DST: variants seen among roughly 807,000 people sequenced by gnomAD.
The protein encoded by DST is dystonin, also known as bullous pemphigoid antigen.
Under a neutral mutation model 875.2 loss-of-function variants are expected in DST, and 253 were observed. The observed-to-expected ratio is 0.29, with a 90% confidence interval of 0.26 to 0.32. The LOEUF (loss-of-function observed/expected upper bound fraction) is 0.32. DST is among the 10% of genes least tolerant of loss of function. The probability of loss-of-function intolerance (pLI) is 1.00; values close to 1 mark genes in which losing one functional copy is unlikely to be tolerated. For synonymous variants in DST, 3,124 were observed against 3,197.1 expected (o/e 0.98, Z 0.77); for missense variants, 8,287 against 9,111.6 (o/e 0.91, Z 3.68).
intron 69 of DST, among the ~76,000 whole-genome samples, chr6:56,522,929 T>C (rs1017474600): frequency 1.3e-5 from 2 of 152,116 alleles, no homozygotes; most frequent in African/African-American, 4.8e-5. Flanking sequence ...AAAGTGCCTT[T>C]CTCCATTTCC....
Position 56,618,676 on chromosome 6 carries a change from G to A in DST, c.4930-4192C>T, listed in dbSNP as rs201676694. ...GCTTAGCATTTTCTTGGGCTCTAGAGTTTTCTTGTTGAAGAGACACAAAGT... is the reference window on the plus strand; with the variant it reads ...GCTTAGCATTTTCTTGGGCTCTAGAATTTTCTTGTTGAAGAGACACAAAGT... On this transcript the variant is annotated intron_variant, in intron 36 of 103. Transcript: ENST00000680361. 8.1e-6 allele frequency: 13 copies of A among 1,613,820 alleles called. No individual in the cohort carries two copies. In the East Asian group the frequency reaches 2.9e-4, roughly 36 times the overall value.
chr6:56,481,373 T>C (rs1472675968), intron 90 of DST, among the ~76,000 whole-genome samples: 1 of 152,230 alleles, frequency 6.6e-6, no homozygotes, highest in Non-Finnish European at 1.5e-5. Context: ...AAGAGATATT[T>C]GGATTACTCT....
chr6:56,521,264 C>T (rs1308477360), intron 69 of DST, among the ~76,000 whole-genome samples: 1 of 151,710 alleles, frequency 6.6e-6, no homozygotes, highest in Non-Finnish European at 1.5e-5. Flanking sequence ...AAAAACAGTT[C>T]AGGCCTTTCT....
Position 56,501,657 on chromosome 6 carries a change from T to A in DST, c.19603A>T (p.Met6535Leu). ...KSEAYQQQIE[M>L]ERLNHQAELL... ...TCTGCTTGATGATTCAGTCTTTCCA[T>A]TTCTATCTGCTGTTGATAGGCCTCA... Residue 6535 changes from methionine to leucine, a missense_variant, in exon 79 of 104, where the codon ATG becomes TTG. Transcript: ENST00000680361. 6.2e-7 allele frequency: 1 copy of A among 1,607,676 alleles called. No individual in the cohort carries two copies. The highest frequency in any genetic ancestry group is 8.5e-7 in the Non-Finnish European group (1 of 1,177,572).
intron 4 of DST, among the ~76,000 whole-genome samples, chr6:56,740,835 C>G (rs1330259082): frequency 6.6e-6 from 1 of 152,136 alleles, no homozygotes; most frequent in African/African-American, 2.4e-5. Context: ...AAAATTACTT[C>G]CTAGGTAATA....
At position 56,509,790 on chromosome 6, in the gene DST, C is replaced by T. The variant is rs550550206; in HGVS notation, c.18864G>A (p.Glu6288=). The part of the protein sequence containing the change: ...RLRQPPSISA[E]VEKIKEQISE... ...TGATCTGTTCCTTGATCTTCTCAAC[C>T]TCTGCAGAGATAGAGGGTGGCTGCC... is the stretch of plus-strand genomic sequence containing the variant. Residue 6288 remains glutamate, a synonymous_variant, in exon 74 of 104, where the codon GAG becomes GAA. Transcript: ENST00000680361. 4 of 1,613,712 alleles carry T rather than the reference C, an allele frequency of 2.5e-6. No homozygotes were observed. The African/African-American group carries it at 5.3e-5, about 22-fold the overall frequency.
Position 56,501,555 on chromosome 6 carries a change from A to G in DST, c.19705T>C (p.Trp6569Arg). Residue 6569 changes from tryptophan to arginine, a missense_variant, in exon 79 of 104, where the codon TGG (tryptophan) becomes CGG (arginine). By Grantham distance (101) the Trp-to-Arg change is moderately radical (BLOSUM62 -3). Around this residue, in one of 10 missense-constraint regions of DST, gnomAD observed 1,292 missense variants for 1,552.7 expected, o/e 0.83. Coordinates refer to ENST00000680361, the MANE Select transcript of DST (RefSeq NM_001374736.1). Reference protein sequence around the residue: ...QDPLMELKLIWDSLEERIINR... With the variant: ...QDPLMELKLIRDSLEERIINR... ...ATGATTCTCTCCTCCAGGCTATCCC[A>G]TATCAATTTCAGTTCCATTAATGGG... The G allele has an allele frequency of 1.9e-6, 3 of 1,603,368 alleles. No homozygotes were observed. Among genetic ancestry groups the G allele is most frequent in the Non-Finnish European group, 2.6e-6 (3 of 1,174,498 alleles).
chr6:56,536,530 G>A (rs137915584), intron 62 of DST, among the ~76,000 whole-genome samples: 3 of 152,260 alleles, frequency 2.0e-5, no homozygotes, highest in African/African-American at 4.8e-5. Flanking sequence ...TGTTGTATCT[G>A]TGACCCTGTC....
intron 34 of DST, 127 bp from the exon 35 acceptor site, chr6:56,625,391 C>A: frequency 1.5e-6 from 1 of 682,818 alleles, no homozygotes; most frequent in South Asian, 1.6e-5. Context: ...TGACACAGAT[C>A]ATTAGAACCT....
chr6:56,624,609 C>T lies in DST; in HGVS notation c.4850G>A (p.Arg1617Gln), dbSNP rs146736866. The change falls in exon 36 of 104, where the codon CGA becomes CAA. Residue 1617 changes from arginine (R) to glutamine (Q), a missense_variant. This residue lies in a region of DST where 3,138 missense variants were observed against 3,116.6 expected (regional missense o/e 1.01). Transcript: ENST00000680361. The stretch of plus-strand genomic sequence containing the variant: ...CATGAGAGTGACCAGGGCAGTATAT[C>T]GAGTCCTTAGGTCCATGAACTGCAA... Reference protein sequence around the residue: ...IIQEFMDLRTRYTALVTLMTQ... With the variant: ...IIQEFMDLRTQYTALVTLMTQ... The T allele has an allele frequency of 6.2e-6, 10 of 1,612,388 alleles. No individual in the cohort carries two copies. Among genetic ancestry groups the T allele is most frequent in the South Asian group, 5.5e-5 (5 of 91,012 alleles).
intron 4 of DST, among the ~76,000 whole-genome samples, chr6:56,787,430 T>C (rs906857322): frequency 3.3e-5 from 5 of 152,182 alleles, no homozygotes; most frequent in African/African-American, 1.2e-4. Flanking sequence ...TCCAACAAAC[T>C]AGACTAAATA....
chr6:56,845,598 GCAT>G (rs910515614), intron 4 of DST, among the ~76,000 whole-genome samples: 1 of 152,176 alleles, frequency 6.6e-6, no homozygotes, highest in Non-Finnish European at 1.5e-5. Flanking sequence ...TAACAACCAG[GCAT>G]CATATGGGAC....
At chr6:56,945,279 T>C (rs1217481052) in intron 2 of DST, among the ~76,000 whole-genome samples, 1 of 152,160 alleles carries the variant, frequency 6.6e-6, no homozygotes, top group African/African-American at 2.4e-5. Flanking sequence ...TCCAGAGGCT[T>C]ATTATAGGGC....
At chr6:56,481,956 A>G (rs2095416043) in intron 90 of DST, 94 bp downstream of exon 90, 1 of 1,384,668 alleles carries the variant, frequency 7.2e-7, no homozygotes, top group Admixed American at 2.0e-5. Flanking sequence ...TCAGGAAGGA[A>G]AATATTCATG....
intron 4 of DST, among the ~76,000 whole-genome samples, chr6:56,769,847 G>A (rs2099644750): frequency 6.6e-6 from 1 of 152,106 alleles, no homozygotes; most frequent in Non-Finnish European, 1.5e-5. Flanking sequence ...AAGAAAAAAT[G>A]TATTCCTGTC....
At chr6:56,872,098 C>T (rs1777465764) in intron 3 of DST, among the ~76,000 whole-genome samples, 2 of 152,204 alleles carry the variant, frequency 1.3e-5, no homozygotes, top group Middle Eastern at 3.4e-3. Context: ...AAAAACTGCA[C>T]ATGAACAGTA....
intron 4 of DST, among the ~76,000 whole-genome samples, chr6:56,847,966 G>A (rs766671602): frequency 2.0e-5 from 3 of 152,064 alleles, no homozygotes; most frequent in East Asian, 1.9e-4. Flanking sequence ...AATGTGTAAC[G>A]ATCAAGTCAG....
intron 2 of DST, among the ~76,000 whole-genome samples, chr6:56,909,281 T>G (rs1401395754): frequency 6.6e-6 from 1 of 152,244 alleles, no homozygotes; most frequent in East Asian, 1.9e-4. Flanking sequence ...CAAGCTAGGC[T>G]ACGTTTCCCA....
intron 4 of DST, among the ~76,000 whole-genome samples, chr6:56,809,126 G>T (rs900851001): frequency 1.3e-5 from 2 of 152,118 alleles, no homozygotes; most frequent in Non-Finnish European, 2.9e-5. Flanking sequence ...ACCTTCTCTT[G>T]AAAGGCACTC....
Sources: allele counts gnomAD v4.1 joint callset (sites outside exome capture counted in the v4.1 genomes callset), GRCh38; gene constraint gnomAD v4.1.1; regional missense constraint gnomAD v4.1.1; transcripts MANE v1.5; gene names NCBI Gene and HGNC (gene_info 2026-07-23, HGNC 2026-07-21).